The following DSCAM variants were observed in gnomAD, a reference collection of about 807,000 sequenced individuals.
DSCAM encodes the protein cell adhesion molecule DSCAM.
Under a neutral mutation model 217.7 loss-of-function variants are expected in DSCAM, and 47 were observed. That is an observed-to-expected ratio of 0.22 (90% CI 0.17 to 0.28). DSCAM has a LOEUF of 0.28. DSCAM is among the 10% of genes least tolerant of loss of function. The pLI, the probability that DSCAM is intolerant of heterozygous loss-of-function variation, is 1.00. For synonymous variants in DSCAM, 1,056 were observed against 1,015.3 expected (o/e 1.04, Z -0.76); for missense variants, 2,080 against 2,618.3 (o/e 0.79, Z 4.49).
chr21:40,168,999 A>AT (rs2090627005), intron 15 of DSCAM, among the ~76,000 whole-genome samples: 1 of 152,188 alleles, frequency 6.6e-6, no homozygotes, highest in Non-Finnish European at 1.5e-5. Flanking sequence ...ATCATAATAT[A>AT]ATTATCATTA....
At chr21:40,330,253 A>T (rs1370546054) in intron 8 of DSCAM, among the ~76,000 whole-genome samples, 1 of 148,084 alleles carries the variant, frequency 6.8e-6, no homozygotes, top group Non-Finnish European at 1.5e-5. Flanking sequence ...ATATTTATGC[A>T]TATATTTATA....
intron 1 of DSCAM, among the ~76,000 whole-genome samples, chr21:40,740,503 A>T (rs1006497229): frequency 6.6e-6 from 1 of 152,222 alleles, no homozygotes; most frequent in African/African-American, 2.4e-5. Flanking sequence ...CAAAACTTCC[A>T]TGGAGCATCA....
Position 40,498,801 on chromosome 21 carries a change from A to G in DSCAM, c.509-129556T>C, listed in dbSNP as rs573899762. 7.5e-5 allele frequency among the ~76,000 whole-genome samples: 3 copies of G among 39,858 alleles called. 1 individual carries two copies. The highest frequency in any genetic ancestry group is 2.8e-4 in the African/African-American group (2 of 7,096). 26.1% of individuals were successfully genotyped at this position (39,858 alleles called of 152,430 possible). On this transcript the variant is annotated intron_variant, in intron 3 of 32. Coordinates refer to ENST00000400454, the MANE Select transcript of DSCAM (RefSeq NM_001389.5). ...GGTGTGTATATATATATATATATAT[A>G]TATATATATATATATATACCCATCA...
intron 3 of DSCAM, among the ~76,000 whole-genome samples, chr21:40,400,035 T>C (rs2075219260): frequency 6.6e-6 from 1 of 152,170 alleles, no homozygotes; most frequent in South Asian, 2.1e-4. Flanking sequence ...CCACAGGGAA[T>C]CTGTGTTTGA....
At chr21:40,740,230 C>T (rs776991002) in intron 1 of DSCAM, among the ~76,000 whole-genome samples, 2 of 152,114 alleles carry the variant, frequency 1.3e-5, no homozygotes, top group Non-Finnish European at 2.9e-5. Flanking sequence ...TGTGAAGTTT[C>T]AAATACAGTT....
chr21:40,687,605 T>G (rs111480445), intron 3 of DSCAM, among the ~76,000 whole-genome samples: 8 of 152,320 alleles, frequency 5.3e-5, no homozygotes, highest in African/African-American at 1.9e-4. Context: ...TAGTTCTGGT[T>G]TGCTGAAACG....
At chr21:40,833,469 C>T (rs1457555814) in intron 1 of DSCAM, among the ~76,000 whole-genome samples, 1 of 152,134 alleles carries the variant, frequency 6.6e-6, no homozygotes, top group Non-Finnish European at 1.5e-5. Context: ...GCATTCAGAG[C>T]GGTTAGCACA....
In DSCAM at chr21:40,822,934, G is replaced by C. The variant is rs532570703; in HGVS notation, c.43+23685C>G. Among the ~76,000 whole-genome samples the C allele has an allele frequency of 3.8e-4, 58 of 152,282 alleles. 1 individual carries two copies. Among genetic ancestry groups the C allele is most frequent in the Admixed American group, 6.5e-4 (10 of 15,292 alleles). On this transcript the variant is annotated intron_variant, in intron 1 of 32. Coordinates refer to ENST00000400454, the MANE Select transcript of DSCAM (RefSeq NM_001389.5). ...GGAGGCCGAGGCGGGCGGATCACTT[G>C]AGGTCAAGAGTTGGAGACCAGCTTG...
intron 3 of DSCAM, among the ~76,000 whole-genome samples, chr21:40,493,196 T>A (rs1475274407): frequency 6.6e-6 from 1 of 152,204 alleles, no homozygotes; most frequent in Non-Finnish European, 1.5e-5. Flanking sequence ...CACTTATATT[T>A]TTAATGTCAA....
chr21:40,522,888 G>A (rs1244884832), intron 3 of DSCAM, among the ~76,000 whole-genome samples: 2 of 152,112 alleles, frequency 1.3e-5, no homozygotes, highest in Non-Finnish European at 2.9e-5. Context: ...CATGCGGTAG[G>A]AATCAATAAT....
intron 3 of DSCAM, among the ~76,000 whole-genome samples, chr21:40,496,986 GATA>G (rs1160422501): frequency 1.3e-5 from 2 of 152,060 alleles, no homozygotes; most frequent in Admixed American, 1.3e-4. Flanking sequence ...AAAGACAAAA[GATA>G]ATAAGTATTG....
intron 32 of DSCAM, among the ~76,000 whole-genome samples, chr21:40,022,069 C>G (rs1211689936): frequency 6.6e-6 from 1 of 152,186 alleles, no homozygotes. Context: ...TGAAGCAATT[C>G]AGAAAATGGA....
chr21:40,119,317 T>C (rs1165676175), intron 20 of DSCAM, among the ~76,000 whole-genome samples: 2 of 152,104 alleles, frequency 1.3e-5, no homozygotes, highest in Non-Finnish European at 2.9e-5. Flanking sequence ...AGGCTTCTGG[T>C]CAGAAGGCAG....
rs193119067 is a variant in DSCAM at position 40,709,864 on chromosome 21, A to G, written c.44-1093T>C. On this transcript the variant is annotated intron_variant, in intron 1 of 32. Transcript: ENST00000400454. Reference sequence around the variant, plus strand: ...TTTTGGGTGTATACCCAGTAATGGGATTGCTGGGTCAACTGGTATTTCTGG... The same window carrying G: ...TTTTGGGTGTATACCCAGTAATGGGGTTGCTGGGTCAACTGGTATTTCTGG... Among the ~76,000 whole-genome samples the G allele has an allele frequency of 1.2e-3, 186 of 152,260 alleles. 1 individual carries two copies. Among genetic ancestry groups the G allele is most frequent in the African/African-American group, 4.4e-3 (181 of 41,542 alleles).
chr21:40,846,772 CCCGCCGCCCGCCG>C lies in DSCAM; in HGVS notation c.-124_-112del. 2 of 358,582 alleles carry C rather than the reference CCCGCCGCCCGCCG, an allele frequency of 5.6e-6. No individual in the cohort carries two copies. Among genetic ancestry groups the C allele is most frequent in the Non-Finnish European group, 7.7e-6 (2 of 260,828 alleles). The allele number at this position is 358,582 out of a possible 1,614,324, so 22.2% of individuals were successfully genotyped here. On this transcript the variant is annotated 5_prime_UTR_variant, in exon 1 of 33. Transcript: ENST00000400454. ...GCACCTGCCCGGGGGCCGCCGCCCG[CCCGCCGCCCGCCG>C]CCGCCGCCGCCGCTGCCTAGCCGCC...
At chr21:40,435,206 A>G (rs2075572203) in intron 3 of DSCAM, among the ~76,000 whole-genome samples, 1 of 152,204 alleles carries the variant, frequency 6.6e-6, no homozygotes, top group Admixed American at 6.6e-5. Flanking sequence ...CGCAGCTGCC[A>G]AGCGGAATCC....
chr21:40,602,416 G>C (rs1352053463), intron 3 of DSCAM, among the ~76,000 whole-genome samples: 1 of 152,032 alleles, frequency 6.6e-6, no homozygotes, highest in Non-Finnish European at 1.5e-5. Flanking sequence ...TTTTCTTTAA[G>C]AGTTGGTAGA....
chr21:40,158,418 CAAAAGAAAAGAAA>C (rs1477926509), intron 16 of DSCAM, among the ~76,000 whole-genome samples: 2 of 151,956 alleles, frequency 1.3e-5, no homozygotes, highest in African/African-American at 4.8e-5. Flanking sequence ...AACAAAAAAA[CAAAAGAAAAGAAA>C]AAAAGAAAAG....
At chr21:40,809,482 T>TA (rs965935456) in intron 1 of DSCAM, among the ~76,000 whole-genome samples, 1 of 152,146 alleles carries the variant, frequency 6.6e-6, no homozygotes, top group Non-Finnish European at 1.5e-5. Flanking sequence ...ATCATACAGT[T>TA]AAAATAAGTG....
Sources: gnomAD v4.1 joint callset for allele counts (sites outside exome capture counted in the v4.1 genomes callset) on GRCh38, gnomAD v4.1.1 for gene constraint, MANE v1.5 for transcripts, NCBI Gene and HGNC (gene_info 2026-07-23, HGNC 2026-07-21) for gene names.